The following DAPK1 variants were observed in gnomAD, a reference collection of about 807,000 sequenced individuals.
The protein encoded by DAPK1 is death associated protein kinase 1.
A neutral mutation model predicts 144.9 loss-of-function variants in DAPK1; 56 were observed. The ratio of observed to expected loss-of-function variants is 0.39; its 90% CI spans 0.31 to 0.48. DAPK1 has a LOEUF of 0.48. DAPK1 is among the 20% of genes least tolerant of loss of function. The pLI is 0.95. For missense variants in DAPK1, 1,454 were observed against 1,875.4 expected (o/e 0.78, Z 4.15); for synonymous variants, 690 against 749.0 (o/e 0.92, Z 1.29).
chr9:87,641,483 A>G (rs1830090547), intron 9 of DAPK1, among the ~76,000 whole-genome samples: 1 of 152,100 alleles, frequency 6.6e-6, no homozygotes, highest in African/African-American at 2.4e-5. Flanking sequence ...CCCAGCAGTT[A>G]CCTGGGTTCT....
At chr9:87,635,721 A>G (rs1166595777) in intron 3 of DAPK1, among the ~76,000 whole-genome samples, 1 of 152,138 alleles carries the variant, frequency 6.6e-6, no homozygotes, top group Non-Finnish European at 1.5e-5. Context: ...CATAACCTTC[A>G]AGGGAAGAGG....
intron 2 of DAPK1, among the ~76,000 whole-genome samples, chr9:87,523,323 G>A (rs1334874139): frequency 6.6e-6 from 1 of 152,168 alleles, no homozygotes; most frequent in African/African-American, 2.4e-5. Context: ...TTGAGACAGG[G>A]TCTCATTCTG....
At chr9:87,505,971 A>G (rs901813063) in intron 2 of DAPK1, among the ~76,000 whole-genome samples, 12 of 152,176 alleles carry the variant, frequency 7.9e-5, no homozygotes, top group South Asian at 2.1e-4. Context: ...TATAAGCGTC[A>G]GCCTCTCGCT....
chr9:87,650,203 A>G (rs544313378), intron 16 of DAPK1, 85 bp downstream of exon 16: 1 of 1,410,226 alleles, frequency 7.1e-7, no homozygotes, highest in African/African-American at 1.4e-5. Context: ...TTGTTTCCCT[A>G]AGATAACAAA....
chr9:87,646,031 C>A lies in DAPK1; in HGVS notation c.1131+17C>A, dbSNP rs756037871. ...CCCAACAAGGTCTGGTTCTGTTCTG[C>A]CGCATACTGGAGGGGTGGGTCACAG... On this transcript the variant is annotated intron_variant, in intron 12 of 25. Transcript: ENST00000408954. 5.6e-6 allele frequency: 9 copies of A among 1,611,046 alleles called. No homozygotes were observed. In the South Asian group the frequency reaches 9.9e-5, roughly 18 times the overall value.
At chr9:87,662,559 A>ATTTTTTTTTTTTTTTTTTT (rs1830886898) in intron 18 of DAPK1, among the ~76,000 whole-genome samples, 1 of 25,568 alleles carries the variant, frequency 3.9e-5, no homozygotes, top group Non-Finnish European at 1.0e-4. Flanking sequence ...ATATATTCCT[A>ATTTTTTTTTTTTTTTTTTT]GTTTTTTTTT....
intron 2 of DAPK1, among the ~76,000 whole-genome samples, chr9:87,523,678 G>C (rs2118270543): frequency 6.6e-6 from 1 of 152,324 alleles, no homozygotes; most frequent in South Asian, 2.1e-4. Flanking sequence ...GTTTAAGTCT[G>C]TGATTTGCCT....
At chr9:87,683,752 G>C (rs983270051) in intron 20 of DAPK1, among the ~76,000 whole-genome samples, 1 of 152,312 alleles carries the variant, frequency 6.6e-6, no homozygotes, top group Non-Finnish European at 1.5e-5. Context: ...CCCCACCATG[G>C]GGGGAGCATC....
chr9:87,618,750 T>C (rs1037609786), intron 3 of DAPK1, among the ~76,000 whole-genome samples: 2 of 152,064 alleles, frequency 1.3e-5, no homozygotes, highest in Non-Finnish European at 2.9e-5. Context: ...CGAGGGCAGG[T>C]GGGAGTGTGG....
At chr9:87,553,441 G>A (rs1336800516) in intron 2 of DAPK1, 1 of 151,688 alleles carries the variant, frequency 6.6e-6, no homozygotes, top group Non-Finnish European at 1.5e-5. Context: ...CAAGCCCTGA[G>A]CACTATGTCT....
At chr9:87,612,771 T>G (rs1004835798) in intron 3 of DAPK1, among the ~76,000 whole-genome samples, 4 of 152,206 alleles carry the variant, frequency 2.6e-5, no homozygotes, top group African/African-American at 9.6e-5. Flanking sequence ...GCAGATAGCC[T>G]GAGCAGAGAA....
At chr9:87,698,028 A>G (rs1368046278) in intron 22 of DAPK1, among the ~76,000 whole-genome samples, 3 of 152,218 alleles carry the variant, frequency 2.0e-5, no homozygotes, top group Non-Finnish European at 4.4e-5. Flanking sequence ...CCTAGAGGAG[A>G]GGATAACATG....
intron 2 of DAPK1, among the ~76,000 whole-genome samples, chr9:87,526,233 A>G (rs962911600): frequency 6.6e-6 from 1 of 152,158 alleles, no homozygotes; most frequent in African/African-American, 2.4e-5. Flanking sequence ...GAGTTTTAAC[A>G]AATGCATAGT....
rs752067245 is a variant in DAPK1, at chr9:87,686,774, G to A, written c.2413+35G>A. ...GCCTGCCCCAAGGGAAGGACCTCAG[G>A]TTTCCCTTCAACAGGGTTGTAAGTC... On this transcript the variant is annotated intron_variant, in intron 21 of 25. Coordinates refer to ENST00000408954, the MANE Select transcript of DAPK1 (RefSeq NM_004938.4). This position sits in a 1 kb window ranked among gnomAD's most constrained non-coding sequence, Gnocchi z 4.2. The A allele has an allele frequency of 1.3e-6, 2 of 1,523,236 alleles. No individual in the cohort carries two copies. The highest frequency in any genetic ancestry group is 1.8e-6 in the Non-Finnish European group (2 of 1,104,406). The allele number at this position is 1,523,236 out of a possible 1,614,324, so 94.4% of individuals were successfully genotyped here.
At chr9:87,516,789 C>T (rs1030886002) in intron 2 of DAPK1, among the ~76,000 whole-genome samples, 1 of 151,926 alleles carries the variant, frequency 6.6e-6, no homozygotes, top group African/African-American at 2.4e-5. Flanking sequence ...GTGCTAGGTT[C>T]GGTGGATTGG....
intron 2 of DAPK1, among the ~76,000 whole-genome samples, chr9:87,516,107 T>C (rs1259627892): frequency 6.6e-6 from 1 of 152,196 alleles, no homozygotes; most frequent in African/African-American, 2.4e-5. Flanking sequence ...TCTTGCTGTT[T>C]TATGCCAACT....
At chr9:87,666,758 G>A (rs1831070551) in intron 18 of DAPK1, among the ~76,000 whole-genome samples, 1 of 152,140 alleles carries the variant, frequency 6.6e-6, no homozygotes, top group South Asian at 2.1e-4. Flanking sequence ...ACAGGCATGA[G>A]CCACCATGCC....
intron 2 of DAPK1, among the ~76,000 whole-genome samples, chr9:87,502,401 C>G (rs1824436498): frequency 6.6e-6 from 1 of 152,120 alleles, no homozygotes; most frequent in African/African-American, 2.4e-5. Flanking sequence ...GTGTAATAGT[C>G]TCTGGGAGGA....
At chr9:87,704,601 G>C (rs1205061443) in intron 25 of DAPK1, among the ~76,000 whole-genome samples, 1 of 152,180 alleles carries the variant, frequency 6.6e-6, no homozygotes, top group Non-Finnish European at 1.5e-5. Flanking sequence ...TTAGCTCCCT[G>C]TTCTCCTCCA....
Sources: allele counts gnomAD v4.1 joint callset (sites outside exome capture counted in the v4.1 genomes callset), GRCh38; gene constraint gnomAD v4.1.1; non-coding constraint Gnocchi (gnomAD v3.1); transcripts MANE v1.5; gene names NCBI Gene and HGNC (gene_info 2026-07-23, HGNC 2026-07-21).